Variants in BLNK observed in about 807,000 individuals in gnomAD.
BLNK encodes B cell linker.
BLNK carries 29 observed loss-of-function variants against 73.5 expected under a neutral mutation model. That is an observed-to-expected ratio of 0.39 (90% confidence interval 0.29 to 0.54). The LOEUF is 0.54. Among genes scored for constraint, BLNK ranks in the 20% least tolerant of loss-of-function variants. The pLI is 0.61. For missense variants in BLNK, 460 were observed against 562.8 expected (o/e 0.82, Z 1.85); for synonymous variants, 176 against 200.8 (o/e 0.88, Z 1.04).
chr10:96,270,079 G>T (rs1273491157), intron 1 of BLNK, among the ~76,000 whole-genome samples: 1 of 152,076 alleles, frequency 6.6e-6, no homozygotes, highest in African/African-American at 2.4e-5. Context: ...GTAGCTATTT[G>T]AGACCAAGGG....
In BLNK at chr10:96,227,567, CTGCAAG is replaced by C. The variant is rs782349513; in HGVS notation, c.205-7_205-2del. The C allele has an allele frequency of 3.1e-6, 5 of 1,613,912 alleles. No individual in the cohort carries two copies. Among genetic ancestry groups the C allele is most frequent in the Non-Finnish European group, 4.2e-6 (5 of 1,180,060 alleles). On this transcript the variant is annotated splice_acceptor_variant and splice_polypyrimidine_tract_variant and intron_variant, in intron 4 of 16. Transcript: ENST00000224337. LOFTEE classifies it high-confidence loss of function. Reference sequence around the variant, plus strand: ...CATCTGGATTTTCATAGTCGCTGTCCTGCAAGTGCAGATGCAGACACTGTGCTCAGC... The same window carrying C: ...CATCTGGATTTTCATAGTCGCTGTCCTGCAGATGCAGACACTGTGCTCAGC...
At chr10:96,230,911 C>T (rs587710532) in intron 3 of BLNK, 77 bp from the exon 4 acceptor site, 46 of 1,480,726 alleles carry the variant, frequency 3.1e-5, no homozygotes, top group East Asian at 2.6e-4. Context: ...ACACACATTT[C>T]GCACCTGCCT....
chr10:96,207,117 C>T (rs1244454173), intron 10 of BLNK, 64 bp from the exon 11 acceptor site: 1 of 1,406,040 alleles, frequency 7.1e-7, no homozygotes, highest in African/African-American at 1.4e-5. Context: ...AATGTCAGAG[C>T]AATATTATTA....
chr10:96,243,990 T>C (rs1207217879), intron 2 of BLNK, among the ~76,000 whole-genome samples: 1 of 152,058 alleles, frequency 6.6e-6, no homozygotes, highest in Non-Finnish European at 1.5e-5. Flanking sequence ...CTTTCATGTT[T>C]TGAAAAAAAA....
At chr10:96,227,259 G>C in intron 5 of BLNK, 151 bp downstream of exon 5, 1 of 1,020,692 alleles carries the variant, frequency 9.8e-7, no homozygotes, top group Non-Finnish European at 1.4e-6. Context: ...TTACCTCGGA[G>C]CCCAGATCCC....
chr10:96,215,014 G>A (rs2084031818), intron 8 of BLNK, among the ~76,000 whole-genome samples: 1 of 152,150 alleles, frequency 6.6e-6, no homozygotes, highest in Admixed American at 6.5e-5. Flanking sequence ...TGTTCTGAAA[G>A]AACTGTGGGT....
At chr10:96,199,449 G>T in intron 15 of BLNK, 1 of 455,818 alleles carries the variant, frequency 2.2e-6, no homozygotes, top group Admixed American at 2.4e-5. Flanking sequence ...CCTCAGTGGA[G>T]CTCATGCAGC....
intron 1 of BLNK, among the ~76,000 whole-genome samples, chr10:96,264,273 G>T (rs1403005894): frequency 6.6e-6 from 1 of 152,152 alleles, no homozygotes. Flanking sequence ...GAGACACAGG[G>T]TGTCCAATGG....
At chr10:96,199,496 G>A (rs370338422) in intron 15 of BLNK, 56 of 462,062 alleles carry the variant, frequency 1.2e-4, no homozygotes, top group African/African-American at 8.9e-4. Context: ...GAGCTTTCTC[G>A]TCTCCCACTG....
In BLNK at chr10:96,192,065, T is replaced by C. The variant is rs1449838437; in HGVS notation, c.1279A>G (p.Arg427Gly). Residue 427 changes from arginine (R) to glycine (G), a missense_variant, in exon 17 of 17, where the codon AGG becomes GGG. Arg to Gly is a moderately radical substitution (Grantham distance 125). This residue lies in a region of BLNK where 88 missense variants were observed against 143.4 expected (regional missense o/e 0.61). Transcript: ENST00000224337. Reference sequence around the variant, plus strand: ...ACCAAAGGACTATGTTGATGATTCCTGATGATTTCAGCAACACTTCCAAAG... The same window carrying C: ...ACCAAAGGACTATGTTGATGATTCCCGATGATTTCAGCAACACTTCCAAAG... ...EYFGSVAEII[R>G]NHQHSPLVLI... 1 of 1,613,590 alleles carries C rather than the reference T, an allele frequency of 6.2e-7. No individual in the cohort carries two copies. Among genetic ancestry groups the C allele is most frequent in the African/African-American group, 1.3e-5 (1 of 74,916 alleles).
chr10:96,214,510 C>T (rs2084019655), intron 8 of BLNK, among the ~76,000 whole-genome samples: 1 of 152,018 alleles, frequency 6.6e-6, no homozygotes, highest in Admixed American at 6.5e-5. Flanking sequence ...AAAGAAAGCC[C>T]AGACTAGGGT....
chr10:96,207,231 A>G (rs973019092), intron 10 of BLNK, among the ~76,000 whole-genome samples, 178 bp from the exon 11 acceptor site: 18 of 152,244 alleles, frequency 1.2e-4, no homozygotes, highest in African/African-American at 4.1e-4. Context: ...GCATTAAGCA[A>G]CAAACAGCCA....
intron 3 of BLNK, among the ~76,000 whole-genome samples, chr10:96,235,298 A>G (rs930284602): frequency 6.6e-6 from 1 of 152,220 alleles, no homozygotes; most frequent in Non-Finnish European, 1.5e-5. Flanking sequence ...CATAGAGTAA[A>G]GGGCTCAATG....
chr10:96,263,446 C>G (rs1219241562), intron 1 of BLNK, among the ~76,000 whole-genome samples: 1 of 152,210 alleles, frequency 6.6e-6, no homozygotes, highest in Admixed American at 6.5e-5. Context: ...CACCACATGT[C>G]CCTCAAGCTG....
intron 8 of BLNK, chr10:96,210,286 T>G (rs2083916812): frequency 3.0e-6 from 1 of 333,272 alleles, no homozygotes; most frequent in Non-Finnish European, 5.8e-6. Context: ...CCTACATCTG[T>G]GCACACTGCA....
chr10:96,234,048 T>G (rs1379300350), intron 3 of BLNK, among the ~76,000 whole-genome samples: 1 of 152,224 alleles, frequency 6.6e-6, no homozygotes, highest in African/African-American at 2.4e-5. Context: ...AACTTGGTTT[T>G]GAAAGAGGTT....
intron 2 of BLNK, among the ~76,000 whole-genome samples, chr10:96,243,576 C>G (rs1483428438): frequency 6.6e-6 from 1 of 152,044 alleles, no homozygotes; most frequent in Non-Finnish European, 1.5e-5. Flanking sequence ...AACAAGTGAA[C>G]AGTGAGTGTC....
intron 1 of BLNK, among the ~76,000 whole-genome samples, chr10:96,262,389 G>A (rs150208667): frequency 2.6e-4 from 40 of 152,188 alleles, no homozygotes; most frequent in African/African-American, 9.6e-4. Context: ...GTATACAGAG[G>A]TACTGTTCTA....
intron 16 of BLNK, 33 bp downstream of exon 16, chr10:96,196,871 ATAGT>A (rs745631180): frequency 6.3e-7 from 1 of 1,592,552 alleles, no homozygotes; most frequent in Non-Finnish European, 8.6e-7. Flanking sequence ...TACTCAATGC[ATAGT>A]TATAGAATTG....
Sources: gnomAD v4.1 joint callset for allele counts (sites outside exome capture counted in the v4.1 genomes callset) on GRCh38, gnomAD v4.1.1 for gene constraint, gnomAD v4.1.1 regional missense constraint, MANE v1.5 for transcripts, NCBI Gene and HGNC (gene_info 2026-07-23, HGNC 2026-07-21) for gene names.